CD4: variants seen among roughly 807,000 people sequenced by gnomAD.
The protein encoded by CD4 is T-cell surface glycoprotein CD4.
In CD4, 25 loss-of-function variants were observed where a neutral mutation model predicts 50.5. The ratio of observed to expected loss-of-function variants is 0.49; its 90% CI spans 0.36 to 0.69. The LOEUF (loss-of-function observed/expected upper bound fraction) is 0.69. Among genes scored for constraint, CD4 ranks in the 30% least tolerant of loss-of-function variants. The pLI, the probability that CD4 is intolerant of heterozygous loss-of-function variation, is 0.00. For synonymous variants in CD4, 207 were observed against 221.9 expected (o/e 0.93, Z 0.60); for missense variants, 456 against 548.5 (o/e 0.83, Z 1.68).
intron 7 of CD4, among the ~76,000 whole-genome samples, chr12:6,817,831 TCA>T (rs1203276033): frequency 2.4e-4 from 35 of 148,800 alleles, no homozygotes; most frequent in African/African-American, 8.1e-4. Flanking sequence ...TCACACACTG[TCA>T]CACACTCATA....
At chr12:6,811,642 G>A (rs1340789680) in intron 3 of CD4, among the ~76,000 whole-genome samples, 7 of 149,472 alleles carry the variant, frequency 4.7e-5, no homozygotes, top group African/African-American at 9.8e-5. Context: ...ACAGGCATGC[G>A]TCACTATGCT....
rs561557731 is a variant in CD4 at position 6,798,423 on chromosome 12, T to C, written c.-67-1649T>C. On this transcript the variant is annotated intron_variant, in intron 1 of 9. Coordinates refer to ENST00000011653, the MANE Select transcript of CD4 (RefSeq NM_000616.5). ...TCCTGACCTCATGATCCGCCCGCCT[T>C]GGCCTCCCAAAATGCTGGGATTACA... Among the ~76,000 whole-genome samples, 242 of 86,098 alleles carry C rather than the reference T, an allele frequency of 2.8e-3. 52 individuals are homozygous for C. Among genetic ancestry groups the C allele is most frequent in the Middle Eastern group, 0.02 (3 of 148 alleles). 56.5% of individuals were successfully genotyped at this position (86,098 alleles called of 152,430 possible). A position where few individuals can be genotyped will look rare whatever the true frequency, so the allele number is the denominator to read the frequency against.
chr12:6,800,572 G>A lies in CD4; in HGVS notation c.214+101G>A. On this transcript the variant is annotated intron_variant, in intron 3 of 9. Coordinates refer to ENST00000011653, the MANE Select transcript of CD4 (RefSeq NM_000616.5). Reference sequence around the variant, plus strand: ...CTTAGTTAAACTCTGGGATCCCAGAGGGCTTGGGTTGACAGAAACTCAGTG... The same window carrying A: ...CTTAGTTAAACTCTGGGATCCCAGAAGGCTTGGGTTGACAGAAACTCAGTG... 3.8e-6 allele frequency: 4 copies of A among 1,046,164 alleles called. No homozygotes were observed. The South Asian group carries it at 6.9e-5, about 18-fold the overall frequency. The allele number at this position is 1,046,164 out of a possible 1,614,324, so 64.8% of individuals were successfully genotyped here. A position where few individuals can be genotyped will look rare whatever the true frequency, so the allele number is the denominator to read the frequency against.
In CD4 at chr12:6,808,450, C is replaced by CAAAAAAAAAAAA. The variant is rs3032789; in HGVS notation, c.215-5671_215-5660dup. ...TGGGTGACAAAGTGAGATTCTGTCT[C>CAAAAAAAAAAAA]AAAAAAAAAAAAAAAAAAAAAAAAA... On this transcript the variant is annotated intron_variant, in intron 3 of 9. Coordinates refer to ENST00000011653, the MANE Select transcript of CD4 (RefSeq NM_000616.5). Among the ~76,000 whole-genome samples, 30 of 37,800 alleles carry CAAAAAAAAAAAA rather than the reference C, an allele frequency of 7.9e-4. 1 individual carries two copies. Among genetic ancestry groups the CAAAAAAAAAAAA allele is most frequent in the African/African-American group, 1.3e-3 (27 of 20,142 alleles). The allele number at this position is 37,800 out of a possible 152,430, so 24.8% of individuals were successfully genotyped here.
Position 6,800,137 on chromosome 12 carries a change from C to G in CD4, c.-2C>G. ...GCCCCTGCCTCCCTCGGCAAGGCCA[C>G]AATGAACCGGGGAGTCCCTTTTAGG... On this transcript the variant is annotated 5_prime_UTR_variant, in exon 2 of 10. Coordinates refer to ENST00000011653, the MANE Select transcript of CD4 (RefSeq NM_000616.5). 3.1e-6 allele frequency: 5 copies of G among 1,613,974 alleles called. No homozygotes were observed. The highest frequency in any genetic ancestry group is 4.2e-6 in the Non-Finnish European group (5 of 1,179,928).
intron 1 of CD4, chr12:6,799,184 C>G (rs1414398410): frequency 2.0e-5 from 3 of 152,220 alleles, no homozygotes; most frequent in Non-Finnish European, 4.4e-5. Flanking sequence ...GGACATGACA[C>G]ACACAAATAG....
At chr12:6,815,812 G>A in intron 5 of CD4, 1 of 1,468,866 alleles carries the variant, frequency 6.8e-7, no homozygotes, top group Non-Finnish European at 9.1e-7. Flanking sequence ...GATCCCCTGT[G>A]GCTGGGCTGC....
rs1306987701 is a variant in CD4, at chr12:6,819,557, C to G, written c.*228C>G. ...CCGTCCTCCACGCCATTTCCTTTTCCTTCAAGCCTAGCCCTTCTCTCATTA... is the reference window on the plus strand; with the variant it reads ...CCGTCCTCCACGCCATTTCCTTTTCGTTCAAGCCTAGCCCTTCTCTCATTA... On this transcript the variant is annotated 3_prime_UTR_variant, in exon 10 of 10. Coordinates refer to ENST00000011653, the MANE Select transcript of CD4 (RefSeq NM_000616.5). The G allele has an allele frequency of 1.7e-6, 1 of 586,074 alleles. No individual in the cohort carries two copies. The highest frequency in any genetic ancestry group is 3.0e-6 in the Non-Finnish European group (1 of 327,958). 36.3% of individuals were successfully genotyped at this position (586,074 alleles called of 1,614,324 possible). A position where few individuals can be genotyped will look rare whatever the true frequency, so the allele number is the denominator to read the frequency against.
At chr12:6,813,660 CATTTGTAATTCTGTATA>C in intron 3 of CD4, 1 of 153,332 alleles carries the variant, frequency 6.5e-6, no homozygotes, top group East Asian at 1.9e-4. Context: ...TTTGTATATA[CATTTGTAATTCTGTATA>C]GATTACAAAT....
At chr12:6,797,511 C>A (rs566608361) in intron 1 of CD4, among the ~76,000 whole-genome samples, 1 of 152,126 alleles carries the variant, frequency 6.6e-6, no homozygotes, top group East Asian at 1.9e-4. Flanking sequence ...AAAAGTGGGC[C>A]CAGGGGACCG....
chr12:6,794,296 A>G (rs1234085092), intron 1 of CD4, among the ~76,000 whole-genome samples: 3 of 151,282 alleles, frequency 2.0e-5, no homozygotes, highest in Non-Finnish European at 4.4e-5. Context: ...CCAACTCCTG[A>G]CCTAAAGTGA....
intron 3 of CD4, among the ~76,000 whole-genome samples, chr12:6,808,733 T>C (rs1942848927): frequency 6.6e-6 from 1 of 152,180 alleles, no homozygotes; most frequent in Admixed American, 6.5e-5. Context: ...TTGTCTAACA[T>C]TGTATCCTAT....
At chr12:6,807,979 C>T (rs2137890676) in intron 3 of CD4, among the ~76,000 whole-genome samples, 1 of 147,824 alleles carries the variant, frequency 6.8e-6, no homozygotes, top group African/African-American at 2.5e-5. Flanking sequence ...ACTCGGGAGG[C>T]TGAGGCAGGA....
In CD4 at chr12:6,818,285, G is replaced by GC. The variant is rs1447130858; in HGVS notation, c.1157-131dup. 2.8e-6 allele frequency: 3 copies of GC among 1,083,704 alleles called. No homozygotes were observed. In the African/African-American group the frequency reaches 4.7e-5, roughly 17 times the overall value. 67.1% of individuals were successfully genotyped at this position (1,083,704 alleles called of 1,614,324 possible). On this transcript the variant is annotated intron_variant, in intron 7 of 9. Transcript: ENST00000011653. This position sits in a 1 kb window ranked among gnomAD's most constrained non-coding sequence, Gnocchi z 5.0. ...TCCCCAGCACTGGCGGCCTTTGAGAGCCCCCAGGCACCCCTCCCCTCTCCC... is the reference window on the plus strand; with the variant it reads ...TCCCCAGCACTGGCGGCCTTTGAGAGCCCCCCAGGCACCCCTCCCCTCTCCC...
rs56979845 is a variant in CD4, at chr12:6,806,156, TACACACACACAC to T, written c.214+5701_214+5712del. On this transcript the variant is annotated intron_variant, in intron 3 of 9. Transcript: ENST00000011653. Reference sequence around the variant, plus strand: ...TCTACCAAAAAAAAAAAAAGGTACATACACACACACACACACACACACACACATACACAAGTA... The same window carrying T: ...TCTACCAAAAAAAAAAAAAGGTACATACACACACACACACATACACAAGTA... Among the ~76,000 whole-genome samples the T allele has an allele frequency of 1.4e-3, 152 of 107,442 alleles. 2 individuals are homozygous for T. The highest frequency in any genetic ancestry group is 4.1e-3 in the African/African-American group (132 of 32,086). The allele number at this position is 107,442 out of a possible 152,430, so 70.5% of individuals were successfully genotyped here.
chr12:6,806,939 G>A (rs1555116266), intron 3 of CD4, among the ~76,000 whole-genome samples: 2 of 152,042 alleles, frequency 1.3e-5, no homozygotes, highest in Admixed American at 6.6e-5. Flanking sequence ...AGGCCGAGGC[G>A]GGTGGATCAC....
At chr12:6,808,079 C>CA (rs34876182) in intron 3 of CD4, among the ~76,000 whole-genome samples, 3,977 of 69,694 alleles carry the variant, frequency 0.057, 155 homozygotes, top group East Asian at 0.09. Context: ...GGCTCTTTCT[C>CA]AAAAAAAAAA....
intron 1 of CD4, among the ~76,000 whole-genome samples, chr12:6,798,484 C>T (rs1411947006): frequency 5.3e-5 from 8 of 151,992 alleles, no homozygotes; most frequent in Admixed American, 2.6e-4. Flanking sequence ...GTGCATCTTG[C>T]GCAGCCCTAG....
intron 7 of CD4, 110 bp downstream of exon 7, chr12:6,817,440 G>A: frequency 2.2e-6 from 2 of 911,588 alleles, no homozygotes; most frequent in South Asian, 3.1e-5. Context: ...GGGGGGTTAT[G>A]GGTATGGTGT....
Sources: gnomAD v4.1 joint callset for allele counts (sites outside exome capture counted in the v4.1 genomes callset) on GRCh38, gnomAD v4.1.1 for gene constraint, Gnocchi (gnomAD v3.1) non-coding constraint, MANE v1.5 for transcripts, NCBI Gene and HGNC (gene_info 2026-07-23, HGNC 2026-07-21) for gene names.